The following MTF2 variants were observed in gnomAD, a reference collection of about 807,000 sequenced individuals.
MTF2 encodes the protein metal-response element-binding transcription factor 2.
Under a neutral mutation model 79.5 loss-of-function variants are expected in MTF2, and 11 were observed. The observed-to-expected ratio is 0.14, with a 90% confidence interval of 0.09 to 0.23. MTF2 has a LOEUF of 0.23. MTF2 is among the 10% of genes least tolerant of loss of function. MTF2 has a pLI of 1.00. For synonymous variants in MTF2, 208 were observed against 232.8 expected (o/e 0.89, Z 0.97); for missense variants, 486 against 711.2 (o/e 0.68, Z 3.60).
At chr1:93,090,069 C>T (rs929989057) in intron 1 of MTF2, among the ~76,000 whole-genome samples, 3 of 152,086 alleles carry the variant, frequency 2.0e-5, no homozygotes, top group East Asian at 1.9e-4. Context: ...CTCCGCCTCC[C>T]GAGTTCACGT....
chr1:93,123,700 A>G (rs1216765293), intron 9 of MTF2, among the ~76,000 whole-genome samples: 1 of 151,294 alleles, frequency 6.6e-6, no homozygotes, highest in Non-Finnish European at 1.5e-5. Flanking sequence ...ACATATTTAC[A>G]TTTGTAATTA....
chr1:93,089,808 G>A (rs1465285220), intron 1 of MTF2, among the ~76,000 whole-genome samples: 1 of 149,994 alleles, frequency 6.7e-6, no homozygotes, highest in Non-Finnish European at 1.5e-5. Context: ...CTCAAGGGAT[G>A]TTCCTGTCTC....
At chr1:93,133,447 T>C (rs549679263) in intron 11 of MTF2, among the ~76,000 whole-genome samples, 1 of 152,258 alleles carries the variant, frequency 6.6e-6, no homozygotes, top group East Asian at 1.9e-4. Context: ...GTATATATTG[T>C]TCAGAATTAT....
intron 1 of MTF2, among the ~76,000 whole-genome samples, chr1:93,081,216 A>G (rs1022397237): frequency 6.6e-6 from 1 of 152,204 alleles, no homozygotes. Context: ...TATATTTAAT[A>G]GTTCTTTAAA....
chr1:93,089,897 T>A (rs936532274), intron 1 of MTF2, among the ~76,000 whole-genome samples: 2 of 150,082 alleles, frequency 1.3e-5, no homozygotes, highest in African/African-American at 2.4e-5. Context: ...GAGGCTGGAG[T>A]GCAGTGGCGC....
intron 14 of MTF2, chr1:93,134,473 G>T (rs934353522): frequency 1.9e-5 from 6 of 320,956 alleles, no homozygotes; most frequent in Non-Finnish European, 2.3e-5. Context: ...TGCTCGTTAG[G>T]CTTTTTAATG....
At chr1:93,133,849 G>T in intron 12 of MTF2, 41 bp downstream of exon 12, 1 of 1,542,570 alleles carries the variant, frequency 6.5e-7, no homozygotes, top group African/African-American at 1.4e-5. Context: ...GAAGAAGGAT[G>T]CATGAAATAA....
At chr1:93,120,448 A>G in intron 8 of MTF2, 101 bp from the exon 9 acceptor site, 1 of 1,123,784 alleles carries the variant, frequency 8.9e-7, no homozygotes, top group South Asian at 1.8e-5. Context: ...CCACCTAAAT[A>G]TTTCTCTTTG....
chr1:93,136,249 A>G (rs943952201), intron 14 of MTF2, among the ~76,000 whole-genome samples: 14 of 152,086 alleles, frequency 9.2e-5, no homozygotes, highest in Non-Finnish European at 4.4e-5. Flanking sequence ...TTCTAGTTCC[A>G]CTCTTTAAGG....
At chr1:93,092,451 C>CT (rs538529213) in intron 1 of MTF2, among the ~76,000 whole-genome samples, 3 of 152,230 alleles carry the variant, frequency 2.0e-5, no homozygotes, top group South Asian at 4.1e-4. Context: ...AATTAAAAGG[C>CT]TTTTTTACCA....
chr1:93,084,249 C>A lies in MTF2; in HGVS notation c.5+4718C>A, dbSNP rs556034940. Among the ~76,000 whole-genome samples the A allele has an allele frequency of 3.3e-4, 50 of 152,066 alleles. 1 individual carries two copies. The highest frequency in any genetic ancestry group is 5.7e-4 in the Non-Finnish European group (39 of 67,992). ...TACCATTTGTTAAAAAAAACTAATTCTTTCCTCATTGACTTGTGTTTGACA... is the reference window on the plus strand; with the variant it reads ...TACCATTTGTTAAAAAAAACTAATTATTTCCTCATTGACTTGTGTTTGACA... On this transcript the variant is annotated intron_variant, in intron 1 of 14. Coordinates refer to ENST00000370298, the MANE Select transcript of MTF2 (RefSeq NM_007358.4).
intron 1 of MTF2, among the ~76,000 whole-genome samples, chr1:93,090,446 C>T (rs570893869): frequency 6.6e-6 from 1 of 151,782 alleles, no homozygotes; most frequent in African/African-American, 2.4e-5. Context: ...GGGGGTTTCT[C>T]CATGCTGGCC....
chr1:93,113,646 TAGA>T (rs1174948276), intron 3 of MTF2, among the ~76,000 whole-genome samples: 4 of 152,198 alleles, frequency 2.6e-5, no homozygotes. Flanking sequence ...ATGCTTTTGA[TAGA>T]AGAAATATTA....
chr1:93,082,181 T>C (rs1654632526), intron 1 of MTF2, among the ~76,000 whole-genome samples: 1 of 152,230 alleles, frequency 6.6e-6, no homozygotes, highest in South Asian at 2.1e-4. Context: ...AAAATTACTT[T>C]GTTTTTACAC....
chr1:93,124,695 T>C (rs1030264169), intron 9 of MTF2, among the ~76,000 whole-genome samples: 1 of 151,998 alleles, frequency 6.6e-6, no homozygotes, highest in Admixed American at 6.6e-5. Flanking sequence ...GCATATAGTA[T>C]GGTGGTTAGC....
chr1:93,136,646 A>G (rs374400726), intron 14 of MTF2, 24 bp from the exon 15 acceptor site: 27 of 1,591,228 alleles, frequency 1.7e-5, no homozygotes, highest in Admixed American at 7.0e-5. Flanking sequence ...TCAGTAGACA[A>G]TTCTGGCCTT....
intron 1 of MTF2, among the ~76,000 whole-genome samples, chr1:93,104,778 T>G (rs1655694729): frequency 6.6e-6 from 1 of 152,146 alleles, no homozygotes; most frequent in South Asian, 2.1e-4. Context: ...TTTCTTGACT[T>G]GAACTATATA....
In MTF2 at chr1:93,138,904, A is replaced by G. The variant is rs1156522949; in HGVS notation, c.*1877A>G. On this transcript the variant is annotated 3_prime_UTR_variant, in exon 15 of 15. Transcript: ENST00000370298. The stretch of plus-strand genomic sequence containing the variant: ...GTATTTTTAGAAATTTTTCTTTAAC[A>G]TACTTGGAAGATGATTTATCCAGCT... The G allele has an allele frequency of 1.3e-5, 2 of 152,210 alleles. No homozygotes were observed. Among genetic ancestry groups the G allele is most frequent in the Non-Finnish European group, 2.9e-5 (2 of 68,024 alleles). 9.4% of individuals were successfully genotyped at this position (152,210 alleles called of 1,614,324 possible). A position where few individuals can be genotyped will look rare whatever the true frequency, so the allele number is the denominator to read the frequency against.
intron 1 of MTF2, among the ~76,000 whole-genome samples, chr1:93,082,340 G>C (rs577760818): frequency 5.9e-5 from 9 of 151,564 alleles, no homozygotes; most frequent in African/African-American, 1.9e-4. Context: ...GAGTGAAGTG[G>C]TGCTATCATA....
Sources: gnomAD v4.1 joint callset for allele counts (sites outside exome capture counted in the v4.1 genomes callset) on GRCh38, gnomAD v4.1.1 for gene constraint, MANE v1.5 for transcripts, NCBI Gene and HGNC (gene_info 2026-07-23, HGNC 2026-07-21) for gene names.